The following MACROD1 variants were observed in gnomAD, a reference collection of about 807,000 sequenced individuals.
The protein encoded by MACROD1 is mono-ADP ribosylhydrolase 1.
Under a neutral mutation model 41.4 loss-of-function variants are expected in MACROD1, and 31 were observed. That is an observed-to-expected ratio of 0.75 (90% CI 0.56 to 1.01). The LOEUF (loss-of-function observed/expected upper bound fraction) is 1.01, where lower values mean the gene tolerates loss of function less well. Ranked by LOEUF, MACROD1 falls within the 50% of genes least tolerant of loss-of-function variation. The pLI is 0.00. For synonymous variants in MACROD1, 252 were observed against 203.4 expected (o/e 1.24, Z -2.03); for missense variants, 473 against 460.0 (o/e 1.03, Z -0.26).
In MACROD1 at chr11:64,146,270, C is replaced by A. The variant is rs1945494198; in HGVS notation, c.517+4969G>T. ...AGCCACAGCACCCCCTAGTGGATACCCTGAGACCGGCGCTCTCCCCAGACA... is the reference window on the plus strand; with the variant it reads ...AGCCACAGCACCCCCTAGTGGATACACTGAGACCGGCGCTCTCCCCAGACA... On this transcript the variant is annotated intron_variant, in intron 3 of 10. Coordinates refer to ENST00000255681, the MANE Select transcript of MACROD1 (RefSeq NM_014067.4). This position sits in a 1 kb window ranked among gnomAD's most constrained non-coding sequence, Gnocchi z 4.7. Among the ~76,000 whole-genome samples, 2 of 152,098 alleles carry A rather than the reference C, an allele frequency of 1.3e-5. No homozygotes were observed. The highest frequency in any genetic ancestry group is 4.8e-5 in the African/African-American group (2 of 41,408).
At chr11:64,005,298 G>A (rs1363544477) in intron 4 of MACROD1, among the ~76,000 whole-genome samples, 1 of 152,216 alleles carries the variant, frequency 6.6e-6, no homozygotes, top group African/African-American at 2.4e-5. Context: ...AAAGTGCTGG[G>A]ATTATAGGCG....
intron 1 of MACROD1, among the ~76,000 whole-genome samples, chr11:64,162,577 G>A (rs1945771976): frequency 6.6e-6 from 1 of 152,138 alleles, no homozygotes; most frequent in Non-Finnish European, 1.5e-5. Flanking sequence ...CACTTTGGGA[G>A]GCTGAGGCGG....
rs182778419 is a variant in MACROD1, at chr11:64,002,757, C to T, written c.548-2414G>A. The stretch of plus-strand genomic sequence containing the variant: ...CTTAGCTCTGCCCTCCAGGCCCTGT[C>T]CTGGCTCTTACCTGGGGCTAAGCTA... On this transcript the variant is annotated intron_variant, in intron 4 of 10. Coordinates refer to ENST00000255681, the MANE Select transcript of MACROD1 (RefSeq NM_014067.4). 4.6e-5 allele frequency among the ~76,000 whole-genome samples: 7 copies of T among 152,336 alleles called. No homozygotes were observed. In the East Asian group the frequency reaches 1.4e-3, roughly 29 times the overall value.
intron 4 of MACROD1, chr11:64,009,101 C>CCCGAGAAAG (rs1942961328): frequency 6.6e-6 from 1 of 152,126 alleles, no homozygotes; most frequent in South Asian, 2.1e-4. Context: ...CACAAATCTC[C>CCCGAGAAAG]CCGAGAAAGC....
At chr11:64,076,270 G>A (rs1944198667) in intron 3 of MACROD1, among the ~76,000 whole-genome samples, 1 of 152,236 alleles carries the variant, frequency 6.6e-6, no homozygotes, top group South Asian at 2.1e-4. Flanking sequence ...GTGCCCCCAT[G>A]ACCCTCCACT....
intron 3 of MACROD1, among the ~76,000 whole-genome samples, chr11:64,108,555 T>C (rs1005691817): frequency 6.6e-6 from 1 of 152,156 alleles, no homozygotes; most frequent in Non-Finnish European, 1.5e-5. Context: ...GGGTCTTTCA[T>C]TAATTTAAAC....
At chr11:64,150,335 A>C (rs1447356979) in intron 3 of MACROD1, among the ~76,000 whole-genome samples, 1 of 152,198 alleles carries the variant, frequency 6.6e-6, no homozygotes, top group African/African-American at 2.4e-5. Flanking sequence ...GGGACGAAGG[A>C]GACTCGAGAA....
intron 3 of MACROD1, among the ~76,000 whole-genome samples, chr11:64,102,159 C>T (rs1293441104): frequency 1.3e-5 from 2 of 152,236 alleles, no homozygotes; most frequent in Non-Finnish European, 2.9e-5. Context: ...CCAGAGTGAG[C>T]ACTCTCAGAT....
chr11:64,116,285 C>T (rs1944978243), intron 3 of MACROD1: 1 of 1,599,024 alleles, frequency 6.3e-7, no homozygotes, highest in South Asian at 1.1e-5. Flanking sequence ...TGGCACACCC[C>T]ACCGCCACTG....
chr11:64,103,214 C>G (rs190991243), intron 3 of MACROD1: 1 of 152,354 alleles, frequency 6.6e-6, no homozygotes, highest in East Asian at 1.9e-4. Context: ...AGGCAGTGGG[C>G]GAGAAGATGG....
intron 3 of MACROD1, among the ~76,000 whole-genome samples, chr11:64,059,091 T>C (rs756039064): frequency 6.6e-5 from 10 of 152,066 alleles, no homozygotes; most frequent in Non-Finnish European, 1.3e-4. Flanking sequence ...GAGGCTCACA[T>C]GGAAATTTGA....
intron 3 of MACROD1, chr11:64,117,678 C>A (rs745527335): frequency 6.2e-7 from 1 of 1,613,660 alleles, no homozygotes. Flanking sequence ...TTGGCTGCGC[C>A]TGGGCCACAG....
chr11:64,072,473 C>T (rs1944128352), intron 3 of MACROD1, among the ~76,000 whole-genome samples: 1 of 151,984 alleles, frequency 6.6e-6, no homozygotes, highest in African/African-American at 2.4e-5. Flanking sequence ...ATGAAACGTA[C>T]ATGTGGCATT....
intron 3 of MACROD1, chr11:64,138,681 GGGA>G (rs1337172199): frequency 2.5e-6 from 1 of 393,070 alleles, no homozygotes; most frequent in African/African-American, 2.2e-5. Context: ...TCCGAAGACA[GGGA>G]GGAGGCAGCA....
intron 3 of MACROD1, among the ~76,000 whole-genome samples, chr11:64,086,592 G>A (rs1315510692): frequency 1.3e-5 from 2 of 152,108 alleles, no homozygotes; most frequent in African/African-American, 4.8e-5. Flanking sequence ...TTGCACAGCG[G>A]TTCTGCGACT....
intron 3 of MACROD1, among the ~76,000 whole-genome samples, chr11:64,093,902 G>A (rs1270022644): frequency 6.6e-6 from 1 of 152,228 alleles, no homozygotes; most frequent in Non-Finnish European, 1.5e-5. Context: ...GGGGCAAGGT[G>A]TCCCTCTGTG....
In MACROD1 at chr11:64,082,169, G is replaced by A. The variant is rs1944315809; in HGVS notation, c.518-66888C>T. ...CTCCCGGGAGGGAGGCCAGAGCCAG[G>A]AGCAGGCCAGAGCCAGGAGCAGGCG... On this transcript the variant is annotated intron_variant, in intron 3 of 10. Coordinates refer to ENST00000255681, the MANE Select transcript of MACROD1 (RefSeq NM_014067.4). This position sits in a 1 kb window ranked among gnomAD's most constrained non-coding sequence, Gnocchi z 4.5. The A allele has an allele frequency of 6.6e-6, 1 of 152,272 alleles. No homozygotes were observed. The highest frequency in any genetic ancestry group is 1.5e-5 in the Non-Finnish European group (1 of 68,162). 9.4% of individuals were successfully genotyped at this position (152,272 alleles called of 1,614,324 possible). A position where few individuals can be genotyped will look rare whatever the true frequency, so the allele number is the denominator to read the frequency against.
rs995249600 is a variant in MACROD1, at chr11:64,122,259, T to G, written c.517+28980A>C. On this transcript the variant is annotated intron_variant, in intron 3 of 10. Coordinates refer to ENST00000255681, the MANE Select transcript of MACROD1 (RefSeq NM_014067.4). This position sits in a 1 kb window ranked among gnomAD's most constrained non-coding sequence, Gnocchi z 4.0. ...CATCTTCTCTAAATAGGCTGGGGCT[T>G]GCTCCACGCTAACATGGTGCATGCG... Among the ~76,000 whole-genome samples the G allele has an allele frequency of 6.6e-6, 1 of 152,236 alleles. No homozygotes were observed. The highest frequency in any genetic ancestry group is 2.4e-5 in the African/African-American group (1 of 41,468).
In MACROD1 at chr11:64,054,939, C is replaced by T. The variant is rs767936912; in HGVS notation, c.518-39658G>A. On this transcript the variant is annotated intron_variant, in intron 3 of 10. Coordinates refer to ENST00000255681, the MANE Select transcript of MACROD1 (RefSeq NM_014067.4). Reference sequence around the variant, plus strand: ...GCCCTCTTTCTCCCCTGCTCTTCACCGCTGAATTTCTCAGGATGGCTCAGG... The same window carrying T: ...GCCCTCTTTCTCCCCTGCTCTTCACTGCTGAATTTCTCAGGATGGCTCAGG... Among the ~76,000 whole-genome samples, 123 of 152,152 alleles carry T rather than the reference C, an allele frequency of 8.1e-4. 1 individual carries two copies. Among genetic ancestry groups the T allele is most frequent in the Admixed American group, 4.6e-4 (7 of 15,280 alleles).
Sources: allele counts gnomAD v4.1 joint callset (sites outside exome capture counted in the v4.1 genomes callset), GRCh38; gene constraint gnomAD v4.1.1; non-coding constraint Gnocchi (gnomAD v3.1); transcripts MANE v1.5; gene names NCBI Gene and HGNC (gene_info 2026-07-23, HGNC 2026-07-21).